The following AP1AR variants were observed in gnomAD, a reference collection of about 807,000 sequenced individuals.
AP1AR encodes adaptor related protein complex 1 associated regulatory protein, also known as AP-1 complex-associated regulatory protein.
Under a neutral mutation model 46.3 loss-of-function variants are expected in AP1AR, and 29 were observed. The observed-to-expected ratio is 0.63, with a 90% confidence interval of 0.47 to 0.85. The LOEUF (loss-of-function observed/expected upper bound fraction) is 0.85, where lower values mean the gene tolerates loss of function less well. Among genes scored for constraint, AP1AR ranks in the 40% least tolerant of loss-of-function variants. The pLI is 0.00. For synonymous variants in AP1AR, 122 were observed against 122.9 expected, an observed-to-expected ratio of 0.99 and a Z score of 0.05; for missense variants, 357 against 356.3, an observed-to-expected ratio of 1.00 and a Z score of -0.02.
intron 1 of AP1AR, among the ~76,000 whole-genome samples, chr4:112,245,160 ACTC>A (rs1725670806): frequency 6.6e-6 from 1 of 152,122 alleles, no homozygotes; most frequent in South Asian, 2.1e-4. Context: ...AGATTTATAT[ACTC>A]CTAATTTTTA....
chr4:112,241,037 TCTCA>T (rs1725475764), intron 1 of AP1AR, among the ~76,000 whole-genome samples: 6 of 152,186 alleles, frequency 3.9e-5, no homozygotes, highest in Admixed American at 3.3e-4. Context: ...TAAGGTCCCT[TCTCA>T]TTATTAGTTT....
chr4:112,247,252 G>A (rs1377753463), intron 1 of AP1AR, among the ~76,000 whole-genome samples: 2 of 152,152 alleles, frequency 1.3e-5, no homozygotes, highest in Non-Finnish European at 2.9e-5. Context: ...CAACCTTATT[G>A]GGATAGCAAA....
chr4:112,269,446 A>C lies in AP1AR; in HGVS notation c.*1037A>C, dbSNP rs1726856526. ...CTAGACAATTACTGTTCTTTTCTCT[A>C]AAATGTATATGTCAATTTACAAGGC... On this transcript the variant is annotated 3_prime_UTR_variant, in exon 10 of 10. Transcript: ENST00000274000. The C allele has an allele frequency of 6.6e-6, 1 of 152,422 alleles. No homozygotes were observed. Among genetic ancestry groups the C allele is most frequent in the Non-Finnish European group, 1.5e-5 (1 of 67,902 alleles). The allele number at this position is 152,422 out of a possible 1,614,324, so 9.4% of individuals were successfully genotyped here. A position where few individuals can be genotyped will look rare whatever the true frequency, so the allele number is the denominator to read the frequency against.
At position 112,265,809 on chromosome 4, in the gene AP1AR, T is replaced by A; in HGVS notation, c.514+2T>A. The A allele has an allele frequency of 6.3e-7, 1 of 1,590,954 alleles. No individual in the cohort carries two copies. The highest frequency in any genetic ancestry group is 1.1e-5 in the South Asian group (1 of 89,880). ...AGTATGAAGTTTTTCGAAGTAGTAG[T>A]AAGTTTTTTAAAGTATTTTCTGTAC... On this transcript the variant is annotated splice_donor_variant, in intron 8 of 9. Transcript: ENST00000274000. LOFTEE classifies it high-confidence loss of function.
At chr4:112,236,869 AT>A (rs1408608010) in intron 1 of AP1AR, among the ~76,000 whole-genome samples, 1 of 152,246 alleles carries the variant, frequency 6.6e-6, no homozygotes, top group Non-Finnish European at 1.5e-5. Flanking sequence ...TGAGAAAAAC[AT>A]TAAAAGAATA....
intron 4 of AP1AR, among the ~76,000 whole-genome samples, chr4:112,258,960 G>A (rs1174828519): frequency 1.3e-5 from 2 of 152,144 alleles, no homozygotes; most frequent in East Asian, 3.9e-4. Context: ...CCTAACTGAG[G>A]TGGGGGTTTG....
intron 9 of AP1AR, among the ~76,000 whole-genome samples, chr4:112,267,287 G>T (rs573922771): frequency 2.6e-5 from 4 of 151,946 alleles, no homozygotes; most frequent in African/African-American, 9.6e-5. Flanking sequence ...CAATCTCTTT[G>T]TGAATCCTAG....
chr4:112,233,318 C>T (rs1327255034), intron 1 of AP1AR, among the ~76,000 whole-genome samples: 1 of 152,124 alleles, frequency 6.6e-6, no homozygotes, highest in Non-Finnish European at 1.5e-5. Flanking sequence ...ACTAAGTATC[C>T]CTAGAATGGA....
At chr4:112,259,817 A>G (rs1726362004) in intron 4 of AP1AR, among the ~76,000 whole-genome samples, 1 of 152,176 alleles carries the variant, frequency 6.6e-6, no homozygotes. Flanking sequence ...GACTCTGAAC[A>G]AGTTAAGAAC....
chr4:112,242,576 C>A lies in AP1AR; in HGVS notation c.83+10402C>A, dbSNP rs562628933. Among the ~76,000 whole-genome samples the A allele has an allele frequency of 6.6e-5, 10 of 152,256 alleles. No homozygotes were observed. In the South Asian group the frequency reaches 1.9e-3, roughly 28 times the overall value. ...AAAGGTGAAGGGAAGCCACTGTGTGCAGAAATCACACGGCAAAAGAGGAAG... is the reference window on the plus strand; with the variant it reads ...AAAGGTGAAGGGAAGCCACTGTGTGAAGAAATCACACGGCAAAAGAGGAAG... On this transcript the variant is annotated intron_variant, in intron 1 of 9. Transcript: ENST00000274000.
chr4:112,248,247 T>C (rs1021404416), intron 1 of AP1AR, among the ~76,000 whole-genome samples: 8 of 152,150 alleles, frequency 5.3e-5, no homozygotes, highest in African/African-American at 1.9e-4. Flanking sequence ...GGGGCTGATA[T>C]GGACTAAAAG....
At chr4:112,235,819 G>T (rs953382827) in intron 1 of AP1AR, among the ~76,000 whole-genome samples, 3 of 152,122 alleles carry the variant, frequency 2.0e-5, no homozygotes, top group African/African-American at 7.2e-5. Context: ...GTTGTCACCA[G>T]AAGAACTTAT....
intron 1 of AP1AR, among the ~76,000 whole-genome samples, chr4:112,238,669 A>G (rs1725353883): frequency 6.6e-6 from 1 of 152,176 alleles, no homozygotes; most frequent in African/African-American, 2.4e-5. Context: ...TCTGTTCTGA[A>G]TATCATTCCA....
At position 112,272,490 on chromosome 4, in the gene AP1AR, G is replaced by C. The variant is rs934558546; in HGVS notation, c.*4081G>C. On this transcript the variant is annotated 3_prime_UTR_variant, in exon 10 of 10. Coordinates refer to ENST00000274000, the MANE Select transcript of AP1AR (RefSeq NM_018569.6). Reference sequence around the variant, plus strand: ...GCCCAGTAAGGGAAAATTGCCCTAAGAGAGCATGTGCATAACTTCAATCAC... The same window carrying C: ...GCCCAGTAAGGGAAAATTGCCCTAACAGAGCATGTGCATAACTTCAATCAC... Among the ~76,000 whole-genome samples the C allele has an allele frequency of 6.6e-6, 1 of 152,110 alleles. No homozygotes were observed. The highest frequency in any genetic ancestry group is 2.4e-5 in the African/African-American group (1 of 41,408).
rs972872646 is a variant in AP1AR, at chr4:112,231,954, C to G, written c.-138C>G. 2.7e-6 allele frequency: 2 copies of G among 728,372 alleles called. No individual in the cohort carries two copies. Among genetic ancestry groups the G allele is most frequent in the Middle Eastern group, 2.8e-4 (1 of 3,592 alleles). The allele number at this position is 728,372 out of a possible 1,614,324, so 45.1% of individuals were successfully genotyped here. On this transcript the variant is annotated 5_prime_UTR_variant, in exon 1 of 10. Transcript: ENST00000274000. ...CGTCTTTCGTCGCCCCGTGCCCTCA[C>G]GCCGCCGGGCTCTGGCCGGCCCGCC...
At chr4:112,239,819 G>A (rs547740494) in intron 1 of AP1AR, among the ~76,000 whole-genome samples, 1 of 152,308 alleles carries the variant, frequency 6.6e-6, no homozygotes, top group South Asian at 2.1e-4. Flanking sequence ...TCCCTTAATA[G>A]AGTATAAATT....
chr4:112,256,920 T>A (rs151145637), intron 3 of AP1AR, among the ~76,000 whole-genome samples: 3,327 of 152,326 alleles, frequency 0.022, 60 homozygotes, highest in Non-Finnish European at 0.029. Context: ...AATATGTTCA[T>A]CAACCAATCA....
At chr4:112,248,742 G>T (rs368291276) in intron 1 of AP1AR, among the ~76,000 whole-genome samples, 34 of 152,224 alleles carry the variant, frequency 2.2e-4, no homozygotes, top group African/African-American at 8.2e-4. Flanking sequence ...TCTTCCCATG[G>T]TCTATAAAGG....
chr4:112,252,070 G>T (rs368036050), intron 1 of AP1AR, among the ~76,000 whole-genome samples: 8 of 151,976 alleles, frequency 5.3e-5, no homozygotes, highest in Non-Finnish European at 1.0e-4. Context: ...TTGAGACCTC[G>T]TCTCTACAAA....
Sources: allele counts gnomAD v4.1 joint callset (sites outside exome capture counted in the v4.1 genomes callset), GRCh38; gene constraint gnomAD v4.1.1; transcripts MANE v1.5; gene names NCBI Gene and HGNC (gene_info 2026-07-23, HGNC 2026-07-21).